CCDC171: variants seen among roughly 807,000 people sequenced by gnomAD.
CCDC171 encodes the protein coiled-coil domain containing 171.
In CCDC171, 177 loss-of-function variants were observed where a neutral mutation model predicts 168.2. The observed-to-expected ratio is 1.05, with a 90% CI of 0.93 to 1.19. The LOEUF (loss-of-function observed/expected upper bound fraction) is 1.19, where lower values mean the gene tolerates loss of function less well. Among genes scored for constraint, CCDC171 ranks in the 50% most tolerant of loss-of-function variants. The pLI is 0.00. For synonymous variants in CCDC171, 687 were observed against 540.8 expected (o/e 1.27, Z -3.75); for missense variants, 1,991 against 1,539.0 (o/e 1.29, Z -4.91).
Position 15,666,207 on chromosome 9 carries a change from C to G in CCDC171, c.960C>G (p.Ala320=). The G allele has an allele frequency of 2.5e-6, 4 of 1,613,644 alleles. No individual in the cohort carries two copies. The highest frequency in any genetic ancestry group is 3.4e-6 in the Non-Finnish European group (4 of 1,179,816). The change falls in exon 9 of 26, where the codon GCC becomes GCG. Residue 320 remains alanine (A), a synonymous_variant. Coordinates refer to ENST00000380701, the MANE Select transcript of CCDC171 (RefSeq NM_173550.4). ...DLEGALQVEK[A]SQAEAVADLE... is the part of the protein sequence containing the mutation. ...AAGGAGCTTTGCAAGTAGAGAAGGC[C>G]AGTCAAGCAGAAGCTGTTGCTGATT...
At position 15,817,552 on chromosome 9, in the gene CCDC171, G is replaced by C. The variant is rs980570671; in HGVS notation, c.3268-29150G>C. Among the ~76,000 whole-genome samples, 3 of 118,768 alleles carry C rather than the reference G, an allele frequency of 2.5e-5. 1 individual carries two copies. Among genetic ancestry groups the C allele is most frequent in the Non-Finnish European group, 5.7e-5 (3 of 52,506 alleles). The allele number at this position is 118,768 out of a possible 152,430, so 77.9% of individuals were successfully genotyped here. A position where few individuals can be genotyped will look rare whatever the true frequency, so the allele number is the denominator to read the frequency against. On this transcript the variant is annotated intron_variant, in intron 21 of 25. Transcript: ENST00000380701. ...ACAGCACACCAGGAGATTATATCCA[G>C]CACCTGGCTTGGAGGGTCCTACGCC...
intron 25 of CCDC171, among the ~76,000 whole-genome samples, chr9:15,941,071 C>A (rs1050105313): frequency 6.6e-6 from 1 of 151,958 alleles, no homozygotes; most frequent in African/African-American, 2.4e-5. Context: ...TTCCATGCCA[C>A]TTAAAGGTGT....
chr9:15,578,801 G>A (rs753773937), intron 3 of CCDC171, 48 bp from the exon 4 acceptor site: 31 of 1,472,316 alleles, frequency 2.1e-5, no homozygotes, highest in Non-Finnish European at 2.7e-5. Flanking sequence ...TTGAGTGTAT[G>A]ATCTCATAAT....
intron 11 of CCDC171, among the ~76,000 whole-genome samples, chr9:15,710,799 G>T (rs766447909): frequency 2.0e-5 from 3 of 151,540 alleles, no homozygotes; most frequent in Non-Finnish European, 4.4e-5. Context: ...GTTTTGCCGT[G>T]TTGACCAGGA....
chr9:15,904,828 T>A (rs1822285372), intron 24 of CCDC171, among the ~76,000 whole-genome samples: 1 of 151,442 alleles, frequency 6.6e-6, no homozygotes, highest in Non-Finnish European at 1.5e-5. Context: ...TGGAGGAAGA[T>A]CTACCAAGCA....
chr9:16,073,779 C>T, the CCDC171 span, among the ~76,000 whole-genome samples: 11 of 152,156 alleles, frequency 7.2e-5, no homozygotes, highest in Non-Finnish European at 1.6e-4. Flanking sequence ...CCTCCATGCT[C>T]AGTATTCCTG....
At chr9:15,826,958 GA>G (rs2060038810) in intron 21 of CCDC171, among the ~76,000 whole-genome samples, 1 of 152,160 alleles carries the variant, frequency 6.6e-6, no homozygotes, top group Admixed American at 6.5e-5. Flanking sequence ...AGCTTTGTTT[GA>G]TCATTCACAT....
At chr9:15,937,365 T>A (rs1453137527) in intron 25 of CCDC171, among the ~76,000 whole-genome samples, 1 of 151,980 alleles carries the variant, frequency 6.6e-6, no homozygotes, top group Non-Finnish European at 1.5e-5. Context: ...TAAGTAAATT[T>A]TTTCATAGTG....
At chr9:15,638,951 C>A (rs1023324789) in intron 7 of CCDC171, among the ~76,000 whole-genome samples, 2 of 151,900 alleles carry the variant, frequency 1.3e-5, no homozygotes, top group Non-Finnish European at 2.9e-5. Context: ...AGATGCAAAC[C>A]TAATTCTGAG....
intron 21 of CCDC171, among the ~76,000 whole-genome samples, chr9:15,820,601 A>G (rs2059731879): frequency 8.5e-6 from 1 of 117,838 alleles, no homozygotes; most frequent in Non-Finnish European, 1.9e-5. Flanking sequence ...AAATGGATAA[A>G]TTCCTCGACA....
At position 15,821,413 on chromosome 9, in the gene CCDC171, C is replaced by G. The variant is rs1469262933; in HGVS notation, c.3268-25289C>G. On this transcript the variant is annotated intron_variant, in intron 21 of 25. Coordinates refer to ENST00000380701, the MANE Select transcript of CCDC171 (RefSeq NM_173550.4). Reference sequence around the variant, plus strand: ...CGTCAAATTGTCCCTGTTTGCAGATCACATGATTGTATATCTAGAAAACCC... The same window carrying G: ...CGTCAAATTGTCCCTGTTTGCAGATGACATGATTGTATATCTAGAAAACCC... Among the ~76,000 whole-genome samples the G allele has an allele frequency of 6.5e-4, 76 of 117,346 alleles. 26 individuals are homozygous for G. The highest frequency in any genetic ancestry group is 1.3e-3 in the Non-Finnish European group (66 of 52,266). The allele number at this position is 117,346 out of a possible 152,430, so 77.0% of individuals were successfully genotyped here. A position where few individuals can be genotyped will look rare whatever the true frequency, so the allele number is the denominator to read the frequency against.
At chr9:15,748,164 A>G (rs2055435619) in intron 18 of CCDC171, among the ~76,000 whole-genome samples, 1 of 152,128 alleles carries the variant, frequency 6.6e-6, no homozygotes, top group Admixed American at 6.6e-5. Context: ...AGCATGAGAA[A>G]TTCATGAAGC....
chr9:15,887,341 C>A (rs2131423203), intron 24 of CCDC171, among the ~76,000 whole-genome samples: 1 of 152,214 alleles, frequency 6.6e-6, no homozygotes, highest in East Asian at 1.9e-4. Flanking sequence ...TTAGAAAGTA[C>A]TTTTCAGTTT....
rs143990023 is a variant in CCDC171, at chr9:15,957,444, C to T, written c.3754-14165C>T. On this transcript the variant is annotated intron_variant, in intron 25 of 25. Coordinates refer to ENST00000380701, the MANE Select transcript of CCDC171 (RefSeq NM_173550.4). ...CGTCTCACTTTCTCCCTCATTGAATCCAAGCACCTTAAAAGATTTTACACT... is the reference window on the plus strand; with the variant it reads ...CGTCTCACTTTCTCCCTCATTGAATTCAAGCACCTTAAAAGATTTTACACT... Among the ~76,000 whole-genome samples the T allele has an allele frequency of 1.1e-3, 168 of 152,276 alleles. 2 individuals carry two copies. The highest frequency in any genetic ancestry group is 3.4e-3 in the Middle Eastern group (1 of 294).
chr9:15,622,702 G>A (rs973485306), intron 6 of CCDC171, among the ~76,000 whole-genome samples: 1 of 152,176 alleles, frequency 6.6e-6, no homozygotes, highest in Non-Finnish European at 1.5e-5. Context: ...AGAGATTTTA[G>A]TATAAGACTA....
intron 4 of CCDC171, among the ~76,000 whole-genome samples, chr9:15,581,402 G>C (rs1017375333): frequency 6.6e-6 from 1 of 152,080 alleles, no homozygotes; most frequent in Non-Finnish European, 1.5e-5. Flanking sequence ...GCTACCACTG[G>C]CTTTCTTCAC....
intron 21 of CCDC171, among the ~76,000 whole-genome samples, chr9:15,840,618 A>G (rs2060638217): frequency 1.3e-5 from 2 of 152,144 alleles, no homozygotes; most frequent in African/African-American, 4.8e-5. Flanking sequence ...TCTGCAGTGC[A>G]GCCAAACTCA....
At chr9:15,576,708 G>C (rs965728575) in intron 3 of CCDC171, among the ~76,000 whole-genome samples, 2 of 152,130 alleles carry the variant, frequency 1.3e-5, no homozygotes, top group African/African-American at 2.4e-5. Context: ...ACTTAGAGAC[G>C]ATATCCACGT....
chr9:15,612,195 G>T (rs1380693400), intron 6 of CCDC171, among the ~76,000 whole-genome samples: 1 of 152,190 alleles, frequency 6.6e-6, no homozygotes, highest in Non-Finnish European at 1.5e-5. Context: ...AGGCTGGATG[G>T]ACTAAGACAT....
Sources: gnomAD v4.1 joint callset for allele counts (sites outside exome capture counted in the v4.1 genomes callset) on GRCh38, gnomAD v4.1.1 for gene constraint, MANE v1.5 for transcripts, NCBI Gene and HGNC (gene_info 2026-07-23, HGNC 2026-07-21) for gene names.